DNM2: variants seen among roughly 807,000 people sequenced by gnomAD.
DNM2 encodes the protein dynamin-2.
A neutral mutation model predicts 99.0 loss-of-function variants in DNM2; 15 were observed. The observed-to-expected ratio is 0.15, with a 90% confidence interval of 0.10 to 0.23. The LOEUF (loss-of-function observed/expected upper bound fraction) is 0.23. Ranked by LOEUF, DNM2 falls within the 10% of genes least tolerant of loss-of-function variation. DNM2 has a pLI of 1.00. For missense variants in DNM2, 742 were observed against 1,189.4 expected, an observed-to-expected ratio of 0.62 and a Z score of 5.53; for synonymous variants, 525 against 481.2, an observed-to-expected ratio of 1.09 and a Z score of -1.19.
At chr19:10,802,512 G>C (rs1389173274) in intron 12 of DNM2, 154 bp downstream of exon 12, 2 of 835,368 alleles carry the variant, frequency 2.4e-6, no homozygotes, top group African/African-American at 3.4e-5. Context: ...AGAATATCTG[G>C]AAGCTCTCCT....
Position 10,796,225 on chromosome 19 carries a change from C to A in DNM2, c.1196+786C>A. On this transcript the variant is annotated intron_variant, in intron 9 of 20. Transcript: ENST00000389253. The surrounding 1 kb of genome is among the most constrained non-coding windows in gnomAD (Gnocchi z 5.6). ...GTATTGCTCCCTCGGCAGGGTGACT[C>A]CTGACCTTGTGGAAACGGGGGTACG... is the stretch of plus-strand genomic sequence containing the variant. 2 of 1,613,744 alleles carry A rather than the reference C, an allele frequency of 1.2e-6. No homozygotes were observed. Among genetic ancestry groups the A allele is most frequent in the Non-Finnish European group, 1.7e-6 (2 of 1,180,004 alleles).
chr19:10,778,298 G>A (rs1408963319), intron 5 of DNM2, among the ~76,000 whole-genome samples: 1 of 151,878 alleles, frequency 6.6e-6, no homozygotes, highest in Non-Finnish European at 1.5e-5. Context: ...CTCCCAAAGT[G>A]CTGGGATTAC....
rs775994925 is a variant in DNM2, at chr19:10,802,379, G to T, written c.1493+21G>T. 9 of 1,613,760 alleles carry T rather than the reference G, an allele frequency of 5.6e-6. No homozygotes were observed. In the South Asian group the frequency reaches 9.9e-5, roughly 18 times the overall value. On this transcript the variant is annotated intron_variant, in intron 12 of 20. Transcript: ENST00000389253. ...GCCAAGTAGGTACTTTTAGAGACTG[G>T]CTGGTCGGGCGGCACCAATCCTCAC...
At chr19:10,780,893 C>T (rs999124560) in intron 5 of DNM2, among the ~76,000 whole-genome samples, 5 of 152,062 alleles carry the variant, frequency 3.3e-5, no homozygotes, top group Admixed American at 2.6e-4. Flanking sequence ...TGGTGCATGC[C>T]TGTAATCCCA....
chr19:10,825,028 C>A lies in DNM2; in HGVS notation c.1894-29C>A, dbSNP rs774418522. 32 of 1,613,280 alleles carry A rather than the reference C, an allele frequency of 2.0e-5. No individual in the cohort carries two copies. In the South Asian group the frequency reaches 3.1e-4, roughly 16 times the overall value. On this transcript the variant is annotated intron_variant, in intron 17 of 20. Coordinates refer to ENST00000389253, the MANE Select transcript of DNM2 (RefSeq NM_001005361.3). The stretch of plus-strand genomic sequence containing the variant: ...CAGGACTTGGCCCAGGCCACAGTCA[C>A]CCCTCAGCACCTCCCCTCCCGCTTG...
In DNM2 at chr19:10,734,715, A is replaced by T. The variant is rs1367981214; in HGVS notation, c.161+16312A>T. On this transcript the variant is annotated intron_variant, in intron 1 of 20. Coordinates refer to ENST00000389253, the MANE Select transcript of DNM2 (RefSeq NM_001005361.3). ...AATTTTTCCCATATGAGACTAATTT[A>T]AAAAAAAATTTTTTTTTTTTATCGA... Among the ~76,000 whole-genome samples, 5 of 144,822 alleles carry T rather than the reference A, an allele frequency of 3.5e-5. No homozygotes were observed. In the East Asian group the frequency reaches 7.0e-4, roughly 20 times the overall value.
At position 10,830,907 on chromosome 19, in the gene DNM2, C is replaced by A. The variant is rs1304014983; in HGVS notation, c.2544-71C>A. ...GTGTGGGTGGGGGCTGGGTCCTCAA[C>A]CCAGGCCTGCCTCTTGCTCCCGGCC... On this transcript the variant is annotated intron_variant, in intron 20 of 20. Transcript: ENST00000389253. This position sits in a 1 kb window ranked among gnomAD's most constrained non-coding sequence, Gnocchi z 4.8. 1 of 1,536,982 alleles carries A rather than the reference C, an allele frequency of 6.5e-7. No individual in the cohort carries two copies. The highest frequency in any genetic ancestry group is 8.8e-7 in the Non-Finnish European group (1 of 1,135,580).
chr19:10,819,925 C>A, intron 15 of DNM2, 55 bp from the exon 16 acceptor site: 1 of 1,549,060 alleles, frequency 6.5e-7, no homozygotes, highest in African/African-American at 1.4e-5. Flanking sequence ...TGGCCTGGGG[C>A]ATCCTGAGTT....
chr19:10,775,348 C>A lies in DNM2; in HGVS notation c.386-355C>A, dbSNP rs370957855. 6.6e-6 allele frequency among the ~76,000 whole-genome samples: 1 copy of A among 152,216 alleles called. No homozygotes were observed. Among genetic ancestry groups the A allele is most frequent in the Non-Finnish European group, 1.5e-5 (1 of 68,042 alleles). On this transcript the variant is annotated intron_variant, in intron 3 of 20. Coordinates refer to ENST00000389253, the MANE Select transcript of DNM2 (RefSeq NM_001005361.3). This position sits in a 1 kb window ranked among gnomAD's most constrained non-coding sequence, Gnocchi z 4.3. Reference sequence around the variant, plus strand: ...CCACCCACCTCGGCCTCCCAAAGTGCTGGGATTGCAGATGTGAGCCACCGC... The same window carrying A: ...CCACCCACCTCGGCCTCCCAAAGTGATGGGATTGCAGATGTGAGCCACCGC...
chr19:10,777,340 CTTTCTT>C, intron 5 of DNM2, 124 bp downstream of exon 5: 1 of 903,832 alleles, frequency 1.1e-6, no homozygotes, highest in South Asian at 1.4e-5. Flanking sequence ...GTAACTCCTT[CTTTCTT>C]TTCCCTTTGA....
At chr19:10,829,739 G>A (rs1015363605) in intron 19 of DNM2, among the ~76,000 whole-genome samples, 1 of 152,168 alleles carries the variant, frequency 6.6e-6, no homozygotes, top group African/African-American at 2.4e-5. Flanking sequence ...GGGGAGCCAT[G>A]GAGTTCCTTA....
chr19:10,801,605 CAAA>C (rs34520425), intron 11 of DNM2, among the ~76,000 whole-genome samples: 7 of 56,574 alleles, frequency 1.2e-4, no homozygotes, highest in Non-Finnish European at 1.2e-4. Context: ...GTTCTTTTCT[CAAA>C]AAAAAAAAAA....
At chr19:10,791,326 G>A (rs1222885629) in intron 7 of DNM2, among the ~76,000 whole-genome samples, 1 of 152,010 alleles carries the variant, frequency 6.6e-6, no homozygotes, top group Non-Finnish European at 1.5e-5. Context: ...TAGCTCAAGC[G>A]ATCCTCCTAC....
intron 1 of DNM2, 185 bp downstream of exon 1, chr19:10,718,588 C>T: frequency 1.1e-6 from 1 of 893,196 alleles, no homozygotes; most frequent in Non-Finnish European, 1.4e-6. Context: ...TGCAGGGGCT[C>T]CGGAGCAGGC....
At chr19:10,782,061 C>T (rs2071395068) in intron 5 of DNM2, among the ~76,000 whole-genome samples, 1 of 152,064 alleles carries the variant, frequency 6.6e-6, no homozygotes, top group African/African-American at 2.4e-5. Flanking sequence ...GAGACAAGGC[C>T]TCGCTCTGTT....
At chr19:10,747,658 T>C (rs2070038457) in intron 1 of DNM2, among the ~76,000 whole-genome samples, 1 of 152,008 alleles carries the variant, frequency 6.6e-6, no homozygotes, top group Non-Finnish European at 1.5e-5. Flanking sequence ...CCTGCCTGGG[T>C]GTGTGTTGGG....
At chr19:10,737,891 C>T (rs1164427355) in intron 1 of DNM2, among the ~76,000 whole-genome samples, 4 of 152,170 alleles carry the variant, frequency 2.6e-5, no homozygotes, top group African/African-American at 7.2e-5. Flanking sequence ...GCCTGGCATG[C>T]GATAGGTAAT....
chr19:10,728,903 C>T (rs2069197644), intron 1 of DNM2, among the ~76,000 whole-genome samples: 1 of 151,330 alleles, frequency 6.6e-6, no homozygotes, highest in Non-Finnish European at 1.5e-5. Context: ...GCTATGATTG[C>T]ACCACTGCGC....
chr19:10,773,252 A>G (rs1174725009), intron 3 of DNM2, among the ~76,000 whole-genome samples: 3 of 149,150 alleles, frequency 2.0e-5, no homozygotes, highest in Non-Finnish European at 3.0e-5. Context: ...GGTTCAAGCT[A>G]TTCTCCTGCC....
Sources: allele counts gnomAD v4.1 joint callset (sites outside exome capture counted in the v4.1 genomes callset), GRCh38; gene constraint gnomAD v4.1.1; non-coding constraint Gnocchi (gnomAD v3.1); transcripts MANE v1.5; gene names NCBI Gene and HGNC (gene_info 2026-07-23, HGNC 2026-07-21).